Variants in CHODL observed in about 807,000 individuals in gnomAD.
CHODL encodes transmembrane protein MT75.
CHODL carries 29 observed loss-of-function variants against 34.5 expected under a neutral mutation model. The ratio of observed to expected loss-of-function variants is 0.84; its 90% CI spans 0.63 to 1.15. The LOEUF (loss-of-function observed/expected upper bound fraction) is 1.15. Ranked by LOEUF, CHODL falls within the 50% of genes most tolerant of loss-of-function variation. The pLI is 0.00. For synonymous variants in CHODL, 125 were observed against 116.1 expected (o/e 1.08, Z -0.49); for missense variants, 332 against 332.5 (o/e 1.00, Z 0.01).
At chr21:18,149,413 C>G (rs954935663) in intron 2 of CHODL, among the ~76,000 whole-genome samples, 5 of 152,142 alleles carry the variant, frequency 3.3e-5, no homozygotes, top group African/African-American at 9.7e-5. Context: ...TCATAGAGTC[C>G]TCATAACCGT....
intron 1 of CHODL, among the ~76,000 whole-genome samples, chr21:17,987,941 G>A (rs750608050): frequency 6.6e-6 from 1 of 152,042 alleles, no homozygotes; most frequent in Non-Finnish European, 1.5e-5. Flanking sequence ...CCTGCTTCAT[G>A]GCTCTGAGAA....
At chr21:18,140,225 C>G (rs1284602913) in intron 2 of CHODL, among the ~76,000 whole-genome samples, 6 of 152,166 alleles carry the variant, frequency 3.9e-5, no homozygotes, top group Non-Finnish European at 7.3e-5. Context: ...TGCTCCTTGA[C>G]CTTTGGACAA....
intron 2 of CHODL, among the ~76,000 whole-genome samples, chr21:18,131,151 G>C (rs205697): frequency 0.11 from 17,119 of 151,716 alleles, 1,076 homozygotes; most frequent in Middle Eastern, 0.2. Flanking sequence ...GACAGAGAGA[G>C]CAGAGAGAGA....
chr21:18,249,243 A>G (rs975635924), intron 1 of CHODL, among the ~76,000 whole-genome samples: 1 of 149,592 alleles, frequency 6.7e-6, no homozygotes, highest in Non-Finnish European at 1.5e-5. Flanking sequence ...ATATACAAGT[A>G]GATGGATGTG....
intron 2 of CHODL, among the ~76,000 whole-genome samples, chr21:18,193,505 C>A (rs1034513605): frequency 6.6e-6 from 1 of 151,564 alleles, no homozygotes; most frequent in Non-Finnish European, 1.5e-5. Context: ...ACCATCCTGC[C>A]CAACATGGTG....
intron 1 of CHODL, among the ~76,000 whole-genome samples, chr21:17,972,527 G>A (rs1038846095): frequency 1.3e-5 from 2 of 152,136 alleles, no homozygotes; most frequent in African/African-American, 2.4e-5. Flanking sequence ...AATCATGAGT[G>A]AACTCCCATT....
At chr21:17,954,334 T>C (rs1277475027) in intron 1 of CHODL, among the ~76,000 whole-genome samples, 1 of 151,908 alleles carries the variant, frequency 6.6e-6, no homozygotes, top group Non-Finnish European at 1.5e-5. Context: ...TTTAACATCC[T>C]TGTGAAGGTT....
chr21:18,084,185 C>T (rs2064975606), intron 2 of CHODL, among the ~76,000 whole-genome samples: 2 of 152,178 alleles, frequency 1.3e-5, no homozygotes, highest in Admixed American at 6.5e-5. Flanking sequence ...CTTTCTCTTG[C>T]TCTCTCATGG....
rs942049726 is a variant in CHODL, at chr21:18,012,795, G to A, written c.-144-15077G>A. ...GAGAATTCGTGAACATGGTCACCAT[G>A]CTGAAATATATGGTGAAAATACAAA... On this transcript the variant is annotated intron_variant, in intron 1 of 6. Transcript: ENST00000400127. Among the ~76,000 whole-genome samples the A allele has an allele frequency of 6.6e-5, 10 of 152,206 alleles. No homozygotes were observed. In the East Asian group the frequency reaches 1.9e-3, roughly 29 times the overall value.
intron 2 of CHODL, among the ~76,000 whole-genome samples, chr21:18,127,034 C>T (rs73200955): frequency 0.07 from 10,606 of 152,174 alleles, 408 homozygotes; most frequent in Middle Eastern, 0.12. Context: ...TTATCCTTCG[C>T]GTCAGTCATC....
intron 2 of CHODL, among the ~76,000 whole-genome samples, chr21:18,231,082 G>A (rs73204887): frequency 0.076 from 11,577 of 152,140 alleles, 530 homozygotes; most frequent in Non-Finnish European, 0.1. Flanking sequence ...TTTTAATTTA[G>A]TGATACTATA....
At chr21:18,108,837 TTGTGTGTGTGTGTG>T (rs68066729) in intron 2 of CHODL, among the ~76,000 whole-genome samples, 4 of 146,272 alleles carry the variant, frequency 2.7e-5, no homozygotes, top group South Asian at 2.2e-4. Flanking sequence ...CTTTGCAATG[TTGTGTGTGTGTGTG>T]TGTGTGTGTG....
At chr21:18,090,726 G>GAAAAAA (rs5842674) in intron 2 of CHODL, among the ~76,000 whole-genome samples, 3 of 125,188 alleles carry the variant, frequency 2.4e-5, no homozygotes, top group African/African-American at 3.1e-5. Flanking sequence ...ATAATTTCCA[G>GAAAAAA]AAAAAAAAAA....
At chr21:18,144,862 A>G (rs547764783) in intron 2 of CHODL, among the ~76,000 whole-genome samples, 1 of 151,194 alleles carries the variant, frequency 6.6e-6, no homozygotes, top group East Asian at 1.9e-4. Context: ...AGCCTTAAAG[A>G]AAGCAGGTTA....
At chr21:18,186,173 C>A (rs748456355) in intron 2 of CHODL, among the ~76,000 whole-genome samples, 1 of 152,154 alleles carries the variant, frequency 6.6e-6, no homozygotes, top group Non-Finnish European at 1.5e-5. Context: ...ACCCTACCGA[C>A]TGCAGAGGTG....
At chr21:18,003,818 G>A (rs1207245974) in intron 1 of CHODL, among the ~76,000 whole-genome samples, 2 of 152,158 alleles carry the variant, frequency 1.3e-5, no homozygotes, top group African/African-American at 4.8e-5. Flanking sequence ...ACTGCTTAGC[G>A]ACCTGTGTTA....
chr21:18,166,913 T>C (rs2073160339), intron 2 of CHODL, among the ~76,000 whole-genome samples: 5 of 152,134 alleles, frequency 3.3e-5, no homozygotes, highest in Admixed American at 2.6e-4. Flanking sequence ...CAATGGAGTT[T>C]TCTGTTCCAT....
chr21:18,084,920 AGTGT>A (rs376876845), intron 2 of CHODL, among the ~76,000 whole-genome samples: 3,926 of 85,232 alleles, frequency 0.046, 102 homozygotes, highest in African/African-American at 0.074. Flanking sequence ...GTCTAGTAAT[AGTGT>A]GTGTGTGTGT....
chr21:18,071,813 G>T (rs114937244), intron 2 of CHODL, among the ~76,000 whole-genome samples: 2 of 150,856 alleles, frequency 1.3e-5, no homozygotes, highest in African/African-American at 2.4e-5. Context: ...TTTAATATTC[G>T]AATTAAGTTT....
Sources: allele counts gnomAD v4.1 joint callset (sites outside exome capture counted in the v4.1 genomes callset), GRCh38; gene constraint gnomAD v4.1.1; transcripts MANE v1.5; gene names NCBI Gene and HGNC (gene_info 2026-07-23, HGNC 2026-07-21).